Variants in NGLY1 observed in about 807,000 individuals in gnomAD.
NGLY1 encodes N-glycanase 1.
A neutral mutation model predicts 84.6 loss-of-function variants in NGLY1; 68 were observed. The ratio of observed to expected loss-of-function variants is 0.80; its 90% CI spans 0.66 to 0.98. NGLY1 has a LOEUF of 0.98. Ranked by LOEUF, NGLY1 falls within the 50% of genes least tolerant of loss-of-function variation. The pLI, the probability that NGLY1 is intolerant of heterozygous loss-of-function variation, is 0.00. For missense variants in NGLY1, 779 were observed against 770.2 expected (o/e 1.01, Z -0.14); for synonymous variants, 280 against 275.2 (o/e 1.02, Z -0.17).
intron 3 of NGLY1, among the ~76,000 whole-genome samples, chr3:25,762,494 T>C (rs983687738): frequency 6.6e-6 from 1 of 152,216 alleles, no homozygotes; most frequent in South Asian, 2.1e-4. Flanking sequence ...TGATATACAC[T>C]AGCCTACTAA....
chr3:25,730,804 A>C (rs1270664776), intron 9 of NGLY1, among the ~76,000 whole-genome samples: 1 of 152,172 alleles, frequency 6.6e-6, no homozygotes, highest in African/African-American at 2.4e-5. Context: ...ATTTAGAAAA[A>C]GTAGATAAAT....
chr3:25,723,919 C>T (rs912498570), intron 10 of NGLY1, among the ~76,000 whole-genome samples: 44 of 152,278 alleles, frequency 2.9e-4, no homozygotes, highest in African/African-American at 1.0e-3. Context: ...CTCCTCCCAC[C>T]AGTGACCCAT....
chr3:25,739,142 A>G (rs1259922481), intron 5 of NGLY1, among the ~76,000 whole-genome samples: 6 of 152,252 alleles, frequency 3.9e-5, no homozygotes, highest in African/African-American at 1.2e-4. Context: ...CAGCATTATT[A>G]TAAGTATTGT....
intron 3 of NGLY1, among the ~76,000 whole-genome samples, chr3:25,758,087 C>A (rs1575643147): frequency 6.6e-6 from 1 of 152,172 alleles, no homozygotes; most frequent in East Asian, 1.9e-4. Context: ...AATAAGAGCA[C>A]ACATTAACAA....
chr3:25,749,803 C>A, intron 4 of NGLY1: 2 of 1,276,560 alleles, frequency 1.6e-6, no homozygotes, highest in Non-Finnish European at 2.3e-6. Flanking sequence ...ATGTTTCCTC[C>A]AAGAACTGCA....
chr3:25,751,270 G>GAA lies in NGLY1; in HGVS notation c.493-8_493-7insTT. The GAA allele has an allele frequency of 6.8e-7, 1 of 1,468,588 alleles. No individual in the cohort carries two copies. Among genetic ancestry groups the GAA allele is most frequent in the Non-Finnish European group, 9.0e-7 (1 of 1,109,854 alleles). 91.0% of individuals were successfully genotyped at this position (1,468,588 alleles called of 1,614,324 possible). On this transcript the variant is annotated splice_region_variant and splice_polypyrimidine_tract_variant and intron_variant, in intron 3 of 11. Transcript: ENST00000280700. ...TGGCTGAGTCAGCAGCAACCTAATA[G>GAA]GAAAAAAAAAAACTGAAATTAACTT...
upstream of NGLY1, among the ~76,000 whole-genome samples, chr3:25,786,030 G>C (rs912022406): frequency 6.6e-6 from 1 of 152,170 alleles, no homozygotes; most frequent in South Asian, 2.1e-4. Context: ...ACACAATAGT[G>C]AATCACTATA....
chr3:25,742,474 A>G (rs1490853412), intron 4 of NGLY1, among the ~76,000 whole-genome samples: 1 of 152,212 alleles, frequency 6.6e-6, no homozygotes, highest in East Asian at 1.9e-4. Flanking sequence ...AACTTAAACT[A>G]TTTTTATAGA....
At chr3:25,771,919 G>A (rs1016551394) in intron 2 of NGLY1, among the ~76,000 whole-genome samples, 2 of 152,140 alleles carry the variant, frequency 1.3e-5, no homozygotes, top group African/African-American at 4.8e-5. Flanking sequence ...ATCAGCTGTA[G>A]GAGCTTTTTG....
intron 1 of NGLY1, among the ~76,000 whole-genome samples, chr3:25,779,109 AT>A (rs919464607): frequency 6.6e-6 from 1 of 151,296 alleles, no homozygotes; most frequent in African/African-American, 2.4e-5. Flanking sequence ...CTAATTTTGC[AT>A]TTTTTAAGTA....
chr3:25,774,177 G>A (rs1162091027), intron 2 of NGLY1, among the ~76,000 whole-genome samples: 5 of 152,220 alleles, frequency 3.3e-5, no homozygotes, highest in African/African-American at 1.2e-4. Context: ...ATTAGCTGTT[G>A]TATTCTCTTT....
At chr3:25,755,098 G>A (rs1037438494) in intron 3 of NGLY1, 51 of 1,451,924 alleles carry the variant, frequency 3.5e-5, no homozygotes, top group Non-Finnish European at 4.5e-5. Flanking sequence ...AAATTTATTC[G>A]AGCCATGCTA....
In NGLY1 at chr3:25,788,718, T is replaced by A. The variant is rs1454721852; in HGVS notation, c.5+1143A>T. On this transcript the variant is annotated intron_variant, in intron 1 of 11. Coordinates refer to the NGLY1 transcript ENST00000417874. ...TGAAAAGAGATCAAGTTTAGGTACT[T>A]ACTCATCAAGTGTTACTTTATAACC... 2.0e-5 allele frequency among the ~76,000 whole-genome samples: 3 copies of A among 152,244 alleles called. No homozygotes were observed. In the South Asian group the frequency reaches 6.2e-4, roughly 32 times the overall value.
chr3:25,773,799 C>T lies in NGLY1; in HGVS notation c.246+4775G>A, dbSNP rs1486354942. On this transcript the variant is annotated intron_variant, in intron 2 of 11. Coordinates refer to ENST00000280700, the MANE Select transcript of NGLY1 (RefSeq NM_018297.4). Reference sequence around the variant, plus strand: ...GGGCTGCTGTTCAGATTCTTTGGCCCCATGGGGTGCTCCCTTGATGTGGTG... The same window carrying T: ...GGGCTGCTGTTCAGATTCTTTGGCCTCATGGGGTGCTCCCTTGATGTGGTG... Among the ~76,000 whole-genome samples the T allele has an allele frequency of 2.0e-5, 3 of 152,134 alleles. No individual in the cohort carries two copies. The East Asian group carries it at 5.8e-4, about 29-fold the overall frequency.
At chr3:25,755,164 T>A in intron 3 of NGLY1, 1 of 1,262,766 alleles carries the variant, frequency 7.9e-7, no homozygotes, top group Non-Finnish European at 1.2e-6. Flanking sequence ...GTCGTGCTGA[T>A]CTTTTTACCT....
rs149117942 is a variant in NGLY1 at position 25,735,869 on chromosome 3, C to T, written c.1149+135G>A. On this transcript the variant is annotated intron_variant, in intron 7 of 11. Coordinates refer to ENST00000280700, the MANE Select transcript of NGLY1 (RefSeq NM_018297.4). ...TTTGCAGTGATGATTTCAGTGTATA[C>T]AAATAAAACTTATCAAACTGTACAA... is the stretch of plus-strand genomic sequence containing the variant. 505 of 792,446 alleles carry T rather than the reference C, an allele frequency of 6.4e-4. 2 individuals carry two copies. In the African/African-American group the frequency reaches 7.7e-3, roughly 12 times the overall value. The allele number at this position is 792,446 out of a possible 1,614,324, so 49.1% of individuals were successfully genotyped here.
chr3:25,739,083 G>A (rs2125483659), intron 5 of NGLY1, among the ~76,000 whole-genome samples: 1 of 152,212 alleles, frequency 6.6e-6, no homozygotes, highest in South Asian at 2.1e-4. Context: ...ATACAATTAT[G>A]TGTTTAAAAT....
rs558674412 is a variant in NGLY1 at position 25,778,409 on chromosome 3, CTTG to C, written c.246+162_246+164del. ...CATTTTACTGAAATTTTAAACTATA[CTTG>C]TTGTGATTTTTAAATGTCCAATCAA... is the stretch of plus-strand genomic sequence containing the variant. On this transcript the variant is annotated intron_variant, in intron 2 of 11. Transcript: ENST00000280700. 3.3e-4 allele frequency: 152 copies of C among 453,752 alleles called. 3 individuals carry two copies. The highest frequency in any genetic ancestry group is 2.4e-3 in the African/African-American group (118 of 49,600). 28.1% of individuals were successfully genotyped at this position (453,752 alleles called of 1,614,324 possible).
chr3:25,790,019 G>C (rs757901930), exon 1 of NGLY1: 48 of 909,968 alleles, frequency 5.3e-5, no homozygotes, highest in Non-Finnish European at 7.7e-5. Context: ...AGAGTCGAAC[G>C]GGACGCGTGC....
Sources: allele counts gnomAD v4.1 joint callset (sites outside exome capture counted in the v4.1 genomes callset), GRCh38; gene constraint gnomAD v4.1.1; transcripts MANE v1.5; gene names NCBI Gene and HGNC (gene_info 2026-07-23, HGNC 2026-07-21).